The following ZNF561 variants were observed in gnomAD, a reference collection of about 807,000 sequenced individuals.
The protein encoded by ZNF561 is zinc finger protein 561.
Under a neutral mutation model 16.7 loss-of-function variants are expected in ZNF561, and 16 were observed. That is an observed-to-expected ratio of 0.96 (90% CI 0.65 to 1.45). The LOEUF (loss-of-function observed/expected upper bound fraction) is 1.45. ZNF561 is among the 40% of genes most tolerant of loss of function. The pLI is 0.00. For synonymous variants in ZNF561, 190 were observed against 192.1 expected (o/e 0.99, Z 0.09); for missense variants, 580 against 578.0 (o/e 1.00, Z -0.04).
Position 9,611,087 on chromosome 19 carries a change from T to C in ZNF561, c.574A>G (p.Asn192Asp), listed in dbSNP as rs2074446473. ...PGLAVHLEVL[N>D]ARQPYKCKEC... ...TTACATTTGTAGGGTTGTCTTGCAT[T>C]GAGAACTTCAAGATGTACAGCAAGA... Residue 192 changes from asparagine (N) to aspartate (D), a missense_variant, in exon 6 of 6, where the codon AAT becomes GAT. Asn to Asp is a conservative substitution (Grantham distance 23, BLOSUM62 1). Transcript: ENST00000302851. 3.1e-6 allele frequency: 5 copies of C among 1,614,056 alleles called. No individual in the cohort carries two copies. The East Asian group carries it at 8.9e-5, about 29-fold the overall frequency.
intron 1 of ZNF561, among the ~76,000 whole-genome samples, chr19:9,619,877 C>CTATCTATATATCTATCTATA (rs59946816): frequency 6.7e-6 from 1 of 148,766 alleles, no homozygotes; most frequent in Non-Finnish European, 1.5e-5. Context: ...CTATCTATAT[C>CTATCTATATATCTATCTATA]TATCTATCTA....
chr19:9,620,934 G>C (rs909505164), intron 1 of ZNF561: 3 of 152,358 alleles, frequency 2.0e-5, no homozygotes, highest in African/African-American at 4.8e-5. Context: ...CCAGGTACTC[G>C]GAAGGCTGAG....
Position 9,611,313 on chromosome 19 carries a change from T to C in ZNF561, c.348A>G (p.Lys116=). The change falls in exon 6 of 6, where the codon AAA becomes AAG. Residue 116 remains lysine (K), a synonymous_variant. Coordinates refer to ENST00000302851, the MANE Select transcript of ZNF561 (RefSeq NM_152289.3). The part of the protein sequence containing the change: ...IQMTRGYSGW[K]LCDCKNCGEV... Reference sequence around the variant, plus strand: ...CTCCACAATTCTTACAGTCACAGAGTTTCCATCCACTGTAGCCTCTTGTCT... The same window carrying C: ...CTCCACAATTCTTACAGTCACAGAGCTTCCATCCACTGTAGCCTCTTGTCT... 6.2e-7 allele frequency: 1 copy of C among 1,612,190 alleles called. No homozygotes were observed.
At chr19:9,617,266 G>T in intron 3 of ZNF561, 95 bp from the exon 4 acceptor site, 2 of 1,462,490 alleles carry the variant, frequency 1.4e-6, no homozygotes, top group East Asian at 5.0e-5. Context: ...TCACTTACAC[G>T]TGGTTGTCAG....
At position 9,608,432 on chromosome 19, in the gene ZNF561, C is replaced by G. The variant is rs567769004; in HGVS notation, c.*1768G>C. 6.6e-6 allele frequency: 1 copy of G among 152,178 alleles called. No homozygotes were observed. The highest frequency in any genetic ancestry group is 2.1e-4 in the South Asian group (1 of 4,812). The allele number at this position is 152,178 out of a possible 1,614,324, so 9.4% of individuals were successfully genotyped here. On this transcript the variant is annotated 3_prime_UTR_variant, in exon 6 of 6. Transcript: ENST00000302851. ...GGCACTCTGATCTCAGACTTCCAGCCTCGAGAAATGTGAGAATATAAATTT... is the reference window on the plus strand; with the variant it reads ...GGCACTCTGATCTCAGACTTCCAGCGTCGAGAAATGTGAGAATATAAATTT...
At position 9,610,274 on chromosome 19, in the gene ZNF561, G is replaced by T. The variant is rs146116632; in HGVS notation, c.1387C>A (p.Arg463Ser). ...ECGKAFAVSS[R>S]LSRHERIHTG... ...TGAATTCTTTCATGTCTACTTAGGC[G>T]TGAGGAAACAGCAAATGCTTTCCCA... The change falls in exon 6 of 6, where the codon CGC (arginine) becomes AGC (serine). Residue 463 changes from arginine to serine, a missense_variant. Physicochemically the swap from Arg to Ser is moderately radical, Grantham distance 110 (BLOSUM62 -1). Transcript: ENST00000302851. The T allele has an allele frequency of 6.2e-7, 1 of 1,614,058 alleles. No individual in the cohort carries two copies. Among genetic ancestry groups the T allele is most frequent in the Non-Finnish European group, 8.5e-7 (1 of 1,179,970 alleles).
chr19:9,614,974 G>T (rs1032206241), intron 4 of ZNF561, among the ~76,000 whole-genome samples: 3 of 151,994 alleles, frequency 2.0e-5, no homozygotes, highest in Non-Finnish European at 2.9e-5. Context: ...GACTAGCTGG[G>T]ACTAAAGGCG....
intron 4 of ZNF561, among the ~76,000 whole-genome samples, chr19:9,616,513 G>A (rs909785177): frequency 4.6e-5 from 7 of 151,888 alleles, no homozygotes; most frequent in Non-Finnish European, 7.4e-5. Flanking sequence ...ATTCCTGACC[G>A]CATGTGATCT....
intron 4 of ZNF561, among the ~76,000 whole-genome samples, chr19:9,615,407 G>T (rs2074536357): frequency 2.6e-5 from 4 of 151,610 alleles, no homozygotes; most frequent in Non-Finnish European, 5.9e-5. Context: ...GACCAGCCTG[G>T]CCAACATAGT....
Position 9,611,264 on chromosome 19 carries a change from G to A in ZNF561, c.397C>T (p.Leu133Phe). ...TTCTGAACTCTCATGTGTGTCTTAA[G>A]GCAAAACTGTTCCCTGAAGACCTCT... ...CGEVFREQFC[L>F]KTHMRVQNGG... Residue 133 changes from leucine to phenylalanine, a missense_variant, in exon 6 of 6, where the codon CTT becomes TTT. Transcript: ENST00000302851. 1 of 1,613,946 alleles carries A rather than the reference G, an allele frequency of 6.2e-7. No individual in the cohort carries two copies. The highest frequency in any genetic ancestry group is 8.5e-7 in the Non-Finnish European group (1 of 1,179,924).
Position 9,616,346 on chromosome 19 carries a change from A to C in ZNF561, c.241+699T>G, listed in dbSNP as rs1599231150. On this transcript the variant is annotated intron_variant, in intron 4 of 5. Coordinates refer to ENST00000302851, the MANE Select transcript of ZNF561 (RefSeq NM_152289.3). ...GCCCCGGCAGGAGTGCAGTGGCGCA[A>C]TCTCAGCTCACTGCAACTTCTGCCT... Among the ~76,000 whole-genome samples the C allele has an allele frequency of 1.3e-5, 2 of 152,240 alleles. 1 individual carries two copies. The highest frequency in any genetic ancestry group is 4.1e-4 in the South Asian group (2 of 4,820).
At chr19:9,612,274 A>G (rs1311846395) in intron 5 of ZNF561, among the ~76,000 whole-genome samples, 1 of 151,584 alleles carries the variant, frequency 6.6e-6, no homozygotes, top group Non-Finnish European at 1.5e-5. Context: ...GCTGGAGTGC[A>G]AGTGGCGAGA....
At position 9,617,042 on chromosome 19, in the gene ZNF561, T is replaced by G; in HGVS notation, c.241+3A>C. 1.2e-6 allele frequency: 2 copies of G among 1,608,632 alleles called. No homozygotes were observed. Among genetic ancestry groups the G allele is most frequent in the Non-Finnish European group, 1.7e-6 (2 of 1,176,464 alleles). ...ATGCCAAGCATAGTGATGTTACTCT[T>G]ACCCACAGAGGCCAGGTTCATGTAG... On this transcript the variant is annotated splice_donor_region_variant and intron_variant, in intron 4 of 5. Transcript: ENST00000302851.
At chr19:9,612,391 G>A (rs757081760) in intron 5 of ZNF561, among the ~76,000 whole-genome samples, 1 of 151,002 alleles carries the variant, frequency 6.6e-6, no homozygotes, top group Non-Finnish European at 1.5e-5. Context: ...AGCTAATTTT[G>A]TTATTTTTTG....
intron 4 of ZNF561, 81 bp from the exon 5 acceptor site, chr19:9,614,184 A>G: frequency 1.3e-6 from 2 of 1,527,722 alleles, no homozygotes; most frequent in Non-Finnish European, 1.8e-6. Flanking sequence ...CTTGTTTTCA[A>G]ATTAAACACA....
At chr19:9,620,436 G>A (rs2074650010) in intron 1 of ZNF561, among the ~76,000 whole-genome samples, 1 of 152,136 alleles carries the variant, frequency 6.6e-6, no homozygotes, top group Admixed American at 6.6e-5. Flanking sequence ...AGATTGCCTA[G>A]GCTAGTCTCA....
chr19:9,611,411 C>G (rs778755411), intron 5 of ZNF561, 75 bp from the exon 6 acceptor site: 92 of 1,396,812 alleles, frequency 6.6e-5, no homozygotes, highest in Non-Finnish European at 8.0e-5. Context: ...AACACAGAAG[C>G]ATTTTGATGA....
Position 9,608,969 on chromosome 19 carries a change from C to T in ZNF561, c.*1231G>A, listed in dbSNP as rs1471916761. On this transcript the variant is annotated 3_prime_UTR_variant, in exon 6 of 6. Transcript: ENST00000302851. ...AATCTCTGCGGCACTGTGACATGCT[C>T]GTGATGGCTATGACACCCATGCTGG... 4 of 152,084 alleles carry T rather than the reference C, an allele frequency of 2.6e-5. No homozygotes were observed. The highest frequency in any genetic ancestry group is 4.4e-5 in the Non-Finnish European group (3 of 68,010). The allele number at this position is 152,084 out of a possible 1,614,324, so 9.4% of individuals were successfully genotyped here.
In ZNF561 at chr19:9,610,224, G is replaced by A. The variant is rs2144865094; in HGVS notation, c.1437C>T (p.Cys479=). The change falls in exon 6 of 6, where the codon TGC becomes TGT. Residue 479 remains cysteine (C), a synonymous_variant. Transcript: ENST00000302851. The stretch of plus-strand genomic sequence containing the variant: ...GCTAAATGGTAACACTCATATCCTT[G>A]CATTCATAGGGTTTCTCCCCAGTGT... ...RIHTGEKPYE[C]KDMSVTI The A allele has an allele frequency of 6.2e-7, 1 of 1,604,420 alleles. No individual in the cohort carries two copies. The highest frequency in any genetic ancestry group is 8.5e-7 in the Non-Finnish European group (1 of 1,175,140).
Sources: allele counts gnomAD v4.1 joint callset (sites outside exome capture counted in the v4.1 genomes callset), GRCh38; gene constraint gnomAD v4.1.1; transcripts MANE v1.5; gene names NCBI Gene and HGNC (gene_info 2026-07-23, HGNC 2026-07-21).